Variants in PARP3 observed in about 807,000 individuals in gnomAD.
PARP3 encodes protein mono-ADP-ribosyltransferase PARP3.
In PARP3, 46 loss-of-function variants were observed where a neutral mutation model predicts 58.2. The observed-to-expected ratio is 0.79, with a 90% CI of 0.62 to 1.01. The LOEUF is 1.01. PARP3 is among the 50% of genes least tolerant of loss of function. The probability of loss-of-function intolerance (pLI) is 0.00; values close to 1 mark genes in which losing one functional copy is unlikely to be tolerated. For missense variants in PARP3, 663 were observed against 683.9 expected (o/e 0.97, Z 0.34); for synonymous variants, 252 against 266.4 (o/e 0.95, Z 0.53).
Position 51,945,840 on chromosome 3 carries a change from G to A in PARP3, c.1012-13G>A. On this transcript the variant is annotated splice_polypyrimidine_tract_variant and intron_variant, in intron 7 of 10. Coordinates refer to ENST00000398755, the MANE Select transcript of PARP3 (RefSeq NM_001003931.4). ...CCTCCCACCCTGGCAACCAGCTTCT[G>A]CTCTCCCCACAGGTGATACAGACCT... is the stretch of plus-strand genomic sequence containing the variant. 6.2e-7 allele frequency: 1 copy of A among 1,612,034 alleles called. No individual in the cohort carries two copies. Among genetic ancestry groups the A allele is most frequent in the Non-Finnish European group, 8.5e-7 (1 of 1,178,210 alleles).
chr3:51,943,605 C>T, intron 2 of PARP3, 67 bp downstream of exon 2: 2 of 1,423,404 alleles, frequency 1.4e-6, no homozygotes, highest in South Asian at 1.2e-5. Context: ...CCCAGGCCAC[C>T]CCCTTAGGAC....
Position 51,942,665 on chromosome 3 carries a change from C to T in PARP3, c.-46C>T, listed in dbSNP as rs375999537. ...GCCCTGGGAGGCGCACACAACCAGG[C>T]CGGGTGGCAGCCAGGACCTCTCCCA... is the stretch of plus-strand genomic sequence containing the variant. On this transcript the variant is annotated 5_prime_UTR_variant, in exon 1 of 11. Transcript: ENST00000398755. 91 of 1,408,188 alleles carry T rather than the reference C, an allele frequency of 6.5e-5. No individual in the cohort carries two copies. Among genetic ancestry groups the T allele is most frequent in the Middle Eastern group, 5.2e-4 (3 of 5,738 alleles). The allele number at this position is 1,408,188 out of a possible 1,614,324, so 87.2% of individuals were successfully genotyped here.
At position 51,946,080 on chromosome 3, in the gene PARP3, C is replaced by T. The variant is rs2106696130; in HGVS notation, c.1099-86C>T. On this transcript the variant is annotated intron_variant, in intron 8 of 10. Coordinates refer to ENST00000398755, the MANE Select transcript of PARP3 (RefSeq NM_001003931.4). The surrounding 1 kb of genome is among the most constrained non-coding windows in gnomAD (Gnocchi z 4.6). ...GAGTGCGCGTGAGTAAGCAGAGGGACACTAGGCCTTGGTCACAAGCAGCAG... is the reference window on the plus strand; with the variant it reads ...GAGTGCGCGTGAGTAAGCAGAGGGATACTAGGCCTTGGTCACAAGCAGCAG... 7.3e-7 allele frequency: 1 copy of T among 1,376,478 alleles called. No individual in the cohort carries two copies. Among genetic ancestry groups the T allele is most frequent in the South Asian group, 1.3e-5 (1 of 78,546 alleles). The allele number at this position is 1,376,478 out of a possible 1,614,324, so 85.3% of individuals were successfully genotyped here. A position where few individuals can be genotyped will look rare whatever the true frequency, so the allele number is the denominator to read the frequency against.
chr3:51,943,743 T>G (rs1460228494), intron 2 of PARP3, among the ~76,000 whole-genome samples: 2 of 152,040 alleles, frequency 1.3e-5, no homozygotes, highest in African/African-American at 4.8e-5. Context: ...TCAGACCCCA[T>G]GCAGGCCTCC....
At chr3:51,947,193 C>A (rs2106698796) in intron 9 of PARP3, among the ~76,000 whole-genome samples, 1 of 152,264 alleles carries the variant, frequency 6.6e-6, no homozygotes, top group South Asian at 2.1e-4. Flanking sequence ...AGTGTCCTCA[C>A]CAAAATGACC....
Position 51,944,229 on chromosome 3 carries a change from G to C in PARP3, c.312+12G>C. ...GCTGGGGCCGTGTGGTGAGTGCCCT[G>C]CCTGCTCTGCACATACTCCCCAGGG... On this transcript the variant is annotated intron_variant, in intron 3 of 10. Coordinates refer to ENST00000398755, the MANE Select transcript of PARP3 (RefSeq NM_001003931.4). This position sits in a 1 kb window ranked among gnomAD's most constrained non-coding sequence, Gnocchi z 4.2. 6.2e-7 allele frequency: 1 copy of C among 1,613,826 alleles called. No homozygotes were observed. The highest frequency in any genetic ancestry group is 1.7e-5 in the Admixed American group (1 of 60,026).
chr3:51,947,602 A>G, intron 9 of PARP3, 138 bp from the exon 10 acceptor site: 1 of 848,050 alleles, frequency 1.2e-6, no homozygotes, highest in African/African-American at 1.7e-5. Flanking sequence ...ACAAGGAGGG[A>G]GTGACGGTTG....
rs1029804491 is a variant in PARP3 at position 51,942,562 on chromosome 3, C to G, written c.-149C>G. 18 of 726,204 alleles carry G rather than the reference C, an allele frequency of 2.5e-5. No individual in the cohort carries two copies. The highest frequency in any genetic ancestry group is 4.1e-5 in the Non-Finnish European group (16 of 393,700). The allele number at this position is 726,204 out of a possible 1,614,324, so 45.0% of individuals were successfully genotyped here. On this transcript the variant is annotated 5_prime_UTR_variant, in exon 1 of 11. Coordinates refer to ENST00000398755, the MANE Select transcript of PARP3 (RefSeq NM_001003931.4). Reference sequence around the variant, plus strand: ...GTCTAATCCCCCACACAAGCTCATCCCCGGCCTCTGGCGATTGTTGGGAAT... The same window carrying G: ...GTCTAATCCCCCACACAAGCTCATCGCCGGCCTCTGGCGATTGTTGGGAAT...
chr3:51,944,726 G>A lies in PARP3; in HGVS notation c.502-52G>A. On this transcript the variant is annotated intron_variant, in intron 4 of 10. Coordinates refer to ENST00000398755, the MANE Select transcript of PARP3 (RefSeq NM_001003931.4). The surrounding 1 kb of genome is among the most constrained non-coding windows in gnomAD (Gnocchi z 4.2). ...GCCTCAGGCTGGCTGGTCTCTGTCT[G>A]GTGTCACGCCCTGCCCCGCTGCTCC... 2.5e-6 allele frequency: 4 copies of A among 1,579,378 alleles called. No individual in the cohort carries two copies. Among genetic ancestry groups the A allele is most frequent in the Non-Finnish European group, 3.4e-6 (4 of 1,161,844 alleles).
intron 10 of PARP3, 106 bp from the exon 11 acceptor site, chr3:51,948,205 C>A: frequency 3.4e-6 from 4 of 1,162,392 alleles, no homozygotes; most frequent in Non-Finnish European, 3.7e-6. Context: ...TGGAAATGAG[C>A]AGGCGTGCCC....
In PARP3 at chr3:51,944,609, T is replaced by C; in HGVS notation, c.501+31T>C. 3 of 1,608,786 alleles carry C rather than the reference T, an allele frequency of 1.9e-6. No homozygotes were observed. The highest frequency in any genetic ancestry group is 2.6e-6 in the Non-Finnish European group (3 of 1,175,992). ...ATGGCCAAGGAAGGTGGGCAGGCCC[T>C]GGACTGAGGGAGGGGACTCGTTGGA... On this transcript the variant is annotated intron_variant, in intron 4 of 10. Coordinates refer to ENST00000398755, the MANE Select transcript of PARP3 (RefSeq NM_001003931.4). This position sits in a 1 kb window ranked among gnomAD's most constrained non-coding sequence, Gnocchi z 4.2.
rs968830290 is a variant in PARP3 at position 51,947,961 on chromosome 3, T to C, written c.1432+66T>C. 4 of 1,431,262 alleles carry C rather than the reference T, an allele frequency of 2.8e-6. No homozygotes were observed. In the African/African-American group the frequency reaches 5.6e-5, roughly 20 times the overall value. The allele number at this position is 1,431,262 out of a possible 1,614,324, so 88.7% of individuals were successfully genotyped here. On this transcript the variant is annotated intron_variant, in intron 10 of 10. Coordinates refer to ENST00000398755, the MANE Select transcript of PARP3 (RefSeq NM_001003931.4). ...GGCCGAGATAGGGGCTGGGACATTT[T>C]CAGGGAGGGGGCTGTGAAGAGGGAC...
chr3:51,942,755 G>A, intron 1 of PARP3, 47 bp downstream of exon 1: 3 of 1,550,994 alleles, frequency 1.9e-6, no homozygotes, highest in Non-Finnish European at 2.6e-6. Context: ...GCAAGGCCTG[G>A]TGGGACTGGC....
intron 8 of PARP3, 22 bp downstream of exon 8, chr3:51,945,961 C>T: frequency 6.3e-7 from 1 of 1,587,184 alleles, no homozygotes; most frequent in South Asian, 1.1e-5. Context: ...TCCCCCACCT[C>T]TCCCCCATCA....
In PARP3 at chr3:51,942,410, G is replaced by A; in HGVS notation, c.-301G>A. On this transcript the variant is annotated 5_prime_UTR_variant, in exon 1 of 11. Transcript: ENST00000398755. ...GCTGCAGGCCCCGGCCACATGAGCA[G>A]CGCTACGGACGCGACTGCCCCGGCC... 1.8e-6 allele frequency: 1 copy of A among 566,378 alleles called. No homozygotes were observed. The highest frequency in any genetic ancestry group is 1.9e-5 in the South Asian group (1 of 51,770). 35.1% of individuals were successfully genotyped at this position (566,378 alleles called of 1,614,324 possible).
rs1290009884 is a variant in PARP3 at position 51,944,431 on chromosome 3, A to C, written c.354A>C (p.Leu118=). ...CAAAGATCAACCACTTCACAAGGCT[A>C]GAAGATGCAAAGAAGGACTTTGAGA... The part of the protein sequence containing the change: ...GQSKINHFTR[L]EDAKKDFEKK... The change falls in exon 4 of 11, where the codon CTA becomes CTC. Residue 118 remains leucine, a synonymous_variant. Coordinates refer to ENST00000398755, the MANE Select transcript of PARP3 (RefSeq NM_001003931.4). This position sits in a 1 kb window ranked among gnomAD's most constrained non-coding sequence, Gnocchi z 4.2. 2.5e-6 allele frequency: 4 copies of C among 1,614,072 alleles called. No individual in the cohort carries two copies. The highest frequency in any genetic ancestry group is 2.5e-6 in the Non-Finnish European group (3 of 1,180,034).
intron 10 of PARP3, 51 bp downstream of exon 10, chr3:51,947,946 G>C: frequency 6.5e-7 from 1 of 1,535,556 alleles, no homozygotes; most frequent in Non-Finnish European, 9.0e-7. Context: ...GGCCGAGATA[G>C]GGGCTGGGAC....
rs1245767035 is a variant in PARP3, at chr3:51,944,430, T to C, written c.353T>C (p.Leu118Pro). 6.2e-7 allele frequency: 1 copy of C among 1,614,016 alleles called. No individual in the cohort carries two copies. Among genetic ancestry groups the C allele is most frequent in the Non-Finnish European group, 8.5e-7 (1 of 1,180,038 alleles). Residue 118 changes from leucine (L) to proline (P), a missense_variant, in exon 4 of 11, where the codon CTA becomes CCA. By Grantham distance (98) the Leu-to-Pro change is moderately conservative. Around this residue, in one of 3 missense-constraint regions of PARP3, gnomAD observed 567 missense variants for 553.6 expected, o/e 1.02. Transcript: ENST00000398755. This position sits in a 1 kb window ranked among gnomAD's most constrained non-coding sequence, Gnocchi z 4.2. Reference protein sequence around the residue: ...GQSKINHFTRLEDAKKDFEKK... With the variant: ...GQSKINHFTRPEDAKKDFEKK... ...TCAAAGATCAACCACTTCACAAGGCTAGAAGATGCAAAGAAGGACTTTGAG... is the reference window on the plus strand; with the variant it reads ...TCAAAGATCAACCACTTCACAAGGCCAGAAGATGCAAAGAAGGACTTTGAG...
chr3:51,944,020 C>T lies in PARP3; in HGVS notation c.184-69C>T. The T allele has an allele frequency of 6.6e-7, 1 of 1,504,608 alleles. No individual in the cohort carries two copies. 93.2% of individuals were successfully genotyped at this position (1,504,608 alleles called of 1,614,324 possible). ...TCAGACTCCTGTCCCCATCAGAGCC[C>T]TCTCGGTGTACGGCCAGGCACCCCA... On this transcript the variant is annotated intron_variant, in intron 2 of 10. Transcript: ENST00000398755. This position sits in a 1 kb window ranked among gnomAD's most constrained non-coding sequence, Gnocchi z 4.2.
Sources: allele counts gnomAD v4.1 joint callset (sites outside exome capture counted in the v4.1 genomes callset), GRCh38; gene constraint gnomAD v4.1.1; regional missense constraint gnomAD v4.1.1; non-coding constraint Gnocchi (gnomAD v3.1); transcripts MANE v1.5; gene names NCBI Gene and HGNC (gene_info 2026-07-23, HGNC 2026-07-21).